Variants in ZNF385D observed in about 807,000 individuals in gnomAD.
ZNF385D encodes the protein zinc finger protein 659.
Under a neutral mutation model 35.8 loss-of-function variants are expected in ZNF385D, and 15 were observed. The ratio of observed to expected loss-of-function variants is 0.42; its 90% CI spans 0.28 to 0.64. ZNF385D has a LOEUF of 0.64. Among genes scored for constraint, ZNF385D ranks in the 30% least tolerant of loss-of-function variants. The pLI is 0.23. For synonymous variants in ZNF385D, 212 were observed against 186.8 expected, an observed-to-expected ratio of 1.13 and a Z score of -1.10; for missense variants, 474 against 494.6, an observed-to-expected ratio of 0.96 and a Z score of 0.39.
chr3:21,832,859 A>G (rs1378728357), intron 3 of ZNF385D, among the ~76,000 whole-genome samples: 1 of 152,204 alleles, frequency 6.6e-6, no homozygotes, highest in African/African-American at 2.4e-5. Flanking sequence ...AACACCCAAA[A>G]GGAAAAAGAT....
chr3:21,571,158 C>T (rs753709602), intron 2 of ZNF385D, among the ~76,000 whole-genome samples: 9 of 152,176 alleles, frequency 5.9e-5, no homozygotes, highest in Admixed American at 5.2e-4. Context: ...CAGTCCTGTA[C>T]TTGGCAAGTC....
intron 3 of ZNF385D, among the ~76,000 whole-genome samples, chr3:22,112,156 T>G (rs1277184522): frequency 6.6e-6 from 1 of 152,178 alleles, no homozygotes. Context: ...TTTTAAAACT[T>G]AGGAACTGTT....
rs2065011570 is a variant in ZNF385D at position 21,621,702 on chromosome 3, G to T, written c.165+43184C>A. ...CAGAGGCATGTGAGCTGTAAAACAG[G>T]AAAGTTAAATTAGCTACTAAGGAAA... is the stretch of plus-strand genomic sequence containing the variant. On this transcript the variant is annotated intron_variant, in intron 2 of 7. Coordinates refer to ENST00000281523, the MANE Select transcript of ZNF385D (RefSeq NM_024697.3). 2.0e-5 allele frequency among the ~76,000 whole-genome samples: 3 copies of T among 151,970 alleles called. No homozygotes were observed. The South Asian group carries it at 6.2e-4, about 32-fold the overall frequency.
At chr3:21,587,910 A>T (rs1245646212) in intron 2 of ZNF385D, among the ~76,000 whole-genome samples, 1 of 152,118 alleles carries the variant, frequency 6.6e-6, no homozygotes, top group Non-Finnish European at 1.5e-5. Flanking sequence ...ATTATCAGAC[A>T]GGCCAATTTC....
chr3:21,839,216 A>T (rs2673524), intron 3 of ZNF385D, among the ~76,000 whole-genome samples: 95,074 of 151,834 alleles, frequency 0.63, 30,373 homozygotes, highest in African/African-American at 0.74. Context: ...TTTTTTGGTA[A>T]CATTTTTTTA....
chr3:22,364,581 T>C (rs1242404880), intron 2 of ZNF385D, among the ~76,000 whole-genome samples: 3 of 151,646 alleles, frequency 2.0e-5, no homozygotes, highest in African/African-American at 7.3e-5. Context: ...ATAGCTACTA[T>C]AAAAAAAATA....
intron 2 of ZNF385D, among the ~76,000 whole-genome samples, chr3:22,180,468 C>T (rs1288027171): frequency 1.3e-5 from 2 of 152,144 alleles, no homozygotes; most frequent in Admixed American, 1.3e-4. Flanking sequence ...CAAAGCCTGG[C>T]AGAGACACAA....
intron 3 of ZNF385D, among the ~76,000 whole-genome samples, chr3:21,849,429 A>G (rs1162659128): frequency 6.6e-6 from 1 of 152,070 alleles, no homozygotes; most frequent in Admixed American, 6.6e-5. Context: ...ACATCTGAAT[A>G]TTCCACATGT....
intron 4 of ZNF385D, among the ~76,000 whole-genome samples, chr3:21,480,349 C>G (rs377449339): frequency 6.6e-6 from 1 of 152,164 alleles, no homozygotes; most frequent in Admixed American, 6.6e-5. Flanking sequence ...GTTATCCATT[C>G]GCTTCAGCCT....
chr3:22,131,682 G>T (rs937954878), intron 3 of ZNF385D, among the ~76,000 whole-genome samples: 2 of 152,286 alleles, frequency 1.3e-5, no homozygotes, highest in East Asian at 3.9e-4. Context: ...TGATGGCAGA[G>T]CATATGACTA....
At chr3:21,675,009 A>G (rs1303333364) in intron 1 of ZNF385D, among the ~76,000 whole-genome samples, 3 of 152,058 alleles carry the variant, frequency 2.0e-5, no homozygotes, top group African/African-American at 7.2e-5. Context: ...GCCTGCTGAG[A>G]TATTGTACCC....
chr3:22,348,485 T>TAAAAAAAAAAA (rs1168729541), intron 2 of ZNF385D, among the ~76,000 whole-genome samples: 22 of 84,862 alleles, frequency 2.6e-4, no homozygotes, highest in African/African-American at 7.4e-4. Context: ...CCATCTCTAC[T>TAAAAAAAAAAA]AAAAAAAAAA....
chr3:22,321,532 A>AT (rs1357897557), intron 2 of ZNF385D, among the ~76,000 whole-genome samples: 3 of 151,664 alleles, frequency 2.0e-5, no homozygotes, highest in African/African-American at 7.3e-5. Context: ...CGCCCGGCTA[A>AT]TTTTTTGTAT....
chr3:21,536,470 C>T (rs1410253919), intron 3 of ZNF385D, among the ~76,000 whole-genome samples: 1 of 151,970 alleles, frequency 6.6e-6, no homozygotes, highest in Admixed American at 6.6e-5. Context: ...GAGGAGGAAG[C>T]CCAGTTTGGG....
At chr3:21,707,207 G>T (rs1041452916) in intron 1 of ZNF385D, among the ~76,000 whole-genome samples, 2 of 151,980 alleles carry the variant, frequency 1.3e-5, no homozygotes, top group Non-Finnish European at 2.9e-5. Flanking sequence ...TATTTAGATT[G>T]GCTTCATTTT....
chr3:22,352,395 A>G (rs760563375), intron 2 of ZNF385D, among the ~76,000 whole-genome samples: 13 of 152,144 alleles, frequency 8.5e-5, no homozygotes, highest in Non-Finnish European at 1.8e-4. Context: ...TCCTTTCACA[A>G]TCACACGTTA....
chr3:21,996,748 C>G (rs1350849461), intron 3 of ZNF385D, among the ~76,000 whole-genome samples: 2 of 152,074 alleles, frequency 1.3e-5, no homozygotes, highest in African/African-American at 2.4e-5. Flanking sequence ...TAGGAACCCC[C>G]CTAAAACTTT....
At chr3:21,705,825 G>C (rs945004908) in intron 1 of ZNF385D, among the ~76,000 whole-genome samples, 4 of 152,078 alleles carry the variant, frequency 2.6e-5, no homozygotes, top group Non-Finnish European at 5.9e-5. Flanking sequence ...CACATGTTTG[G>C]ATTTGGCTGT....
chr3:21,614,750 A>G (rs9848858), intron 2 of ZNF385D, among the ~76,000 whole-genome samples: 110,579 of 151,888 alleles, frequency 0.73, 41,044 homozygotes, highest in East Asian at 0.95. Context: ...CACCTCGCCC[A>G]GCTAATTTTT....
Sources: allele counts gnomAD v4.1 joint callset (sites outside exome capture counted in the v4.1 genomes callset), GRCh38; gene constraint gnomAD v4.1.1; transcripts MANE v1.5; gene names NCBI Gene and HGNC (gene_info 2026-07-23, HGNC 2026-07-21).